The following RNLS variants were observed in gnomAD, a reference collection of about 807,000 sequenced individuals.
RNLS encodes renalase, FAD dependent amine oxidase.
A neutral mutation model predicts 39.8 loss-of-function variants in RNLS; 39 were observed. The ratio of observed to expected loss-of-function variants is 0.98; its 90% CI spans 0.76 to 1.28. The LOEUF (loss-of-function observed/expected upper bound fraction) is 1.28, where lower values mean the gene tolerates loss of function less well. RNLS is among the 50% of genes most tolerant of loss of function. The pLI is 0.00. For synonymous variants in RNLS, 147 were observed against 150.7 expected (o/e 0.98, Z 0.18); for missense variants, 410 against 413.3 (o/e 0.99, Z 0.07).
chr10:88,581,286 G>A (rs944335815), intron 3 of RNLS, among the ~76,000 whole-genome samples: 3 of 132,078 alleles, frequency 2.3e-5, no homozygotes, highest in Non-Finnish European at 4.7e-5. Flanking sequence ...ATGTATGTGT[G>A]TGTGTGTGTA....
intron 4 of RNLS, among the ~76,000 whole-genome samples, chr10:88,364,799 C>T (rs1249651643): frequency 6.6e-6 from 1 of 152,036 alleles, no homozygotes; most frequent in Non-Finnish European, 1.5e-5. Flanking sequence ...ATTTAATCTG[C>T]TTTTAAAGTT....
intron 4 of RNLS, among the ~76,000 whole-genome samples, chr10:88,421,326 T>C (rs1589763346): frequency 6.6e-6 from 1 of 152,320 alleles, no homozygotes; most frequent in East Asian, 1.9e-4. Flanking sequence ...TTCTCTTTAT[T>C]CACCTCTGAA....
At chr10:88,286,373 CAG>C (rs1377238656) in intron 6 of RNLS, among the ~76,000 whole-genome samples, 1 of 151,970 alleles carries the variant, frequency 6.6e-6, no homozygotes, top group African/African-American at 2.4e-5. Context: ...AAAAAAGACA[CAG>C]AGATTGTTTT....
chr10:88,490,290 A>T (rs1844808936), intron 4 of RNLS, among the ~76,000 whole-genome samples: 1 of 152,190 alleles, frequency 6.6e-6, no homozygotes, highest in Non-Finnish European at 1.5e-5. Context: ...GGTTATCTTA[A>T]AAGAGGCAAA....
At chr10:88,575,143 T>C (rs907726076) in intron 3 of RNLS, among the ~76,000 whole-genome samples, 2 of 33,486 alleles carry the variant, frequency 6.0e-5, no homozygotes, top group East Asian at 6.0e-3. Flanking sequence ...TATATATATA[T>C]ATATATATAT....
chr10:88,194,814 C>A, the RNLS span, among the ~76,000 whole-genome samples: 1 of 152,210 alleles, frequency 6.6e-6, no homozygotes, highest in African/African-American at 2.4e-5. Context: ...ATTTACTTAT[C>A]TTCAAAAATT....
the RNLS span, among the ~76,000 whole-genome samples, chr10:88,214,104 TGTA>T: frequency 2.6e-5 from 4 of 152,140 alleles, no homozygotes; most frequent in African/African-American, 7.2e-5. Flanking sequence ...GGGCAGTAGT[TGTA>T]GTAGTAGTAG....
chr10:88,193,915 G>A, the RNLS span, among the ~76,000 whole-genome samples: 2 of 152,190 alleles, frequency 1.3e-5, no homozygotes, highest in Non-Finnish European at 2.9e-5. Flanking sequence ...AATTCGACAT[G>A]CATGTGTCTA....
chr10:88,330,993 G>A (rs1847074323), intron 5 of RNLS, among the ~76,000 whole-genome samples: 1 of 151,972 alleles, frequency 6.6e-6, no homozygotes, highest in African/African-American at 2.4e-5. Context: ...ACAAAGCACT[G>A]GGGAACAAAT....
intron 5 of RNLS, among the ~76,000 whole-genome samples, chr10:88,358,516 G>A (rs1849381114): frequency 6.6e-6 from 1 of 152,184 alleles, no homozygotes; most frequent in South Asian, 2.1e-4. Context: ...AAGATAATAT[G>A]TCCTGATATT....
intron 5 of RNLS, among the ~76,000 whole-genome samples, chr10:88,346,708 CA>C (rs1308413045): frequency 7.9e-5 from 12 of 152,106 alleles, no homozygotes; most frequent in Non-Finnish European, 1.3e-4. Flanking sequence ...ACTGGCTCAG[CA>C]AATATTTATC....
intron 3 of RNLS, among the ~76,000 whole-genome samples, chr10:88,578,157 G>A (rs1384597942): frequency 6.6e-6 from 1 of 152,168 alleles, no homozygotes; most frequent in Non-Finnish European, 1.5e-5. Flanking sequence ...CTACTTGCTT[G>A]AATTTGAGTG....
At chr10:88,420,408 T>C (rs943269166) in intron 4 of RNLS, among the ~76,000 whole-genome samples, 1 of 152,190 alleles carries the variant, frequency 6.6e-6, no homozygotes, top group Non-Finnish European at 1.5e-5. Context: ...ACAATATAAA[T>C]TTATTCTTAC....
At chr10:88,542,300 G>C (rs767303319) in intron 4 of RNLS, among the ~76,000 whole-genome samples, 11 of 152,016 alleles carry the variant, frequency 7.2e-5, no homozygotes, top group Non-Finnish European at 1.5e-4. Context: ...TGAAGTCCAG[G>C]GAGTCAGCAC....
downstream of RNLS, among the ~76,000 whole-genome samples, chr10:88,281,507 T>C (rs1299102121): frequency 1.3e-5 from 2 of 152,148 alleles, no homozygotes; most frequent in Non-Finnish European, 2.9e-5. Flanking sequence ...TGGGTGGGGA[T>C]TGCTGATTAT....
intron 4 of RNLS, among the ~76,000 whole-genome samples, chr10:88,535,225 G>A (rs1847676657): frequency 6.6e-6 from 1 of 152,024 alleles, no homozygotes; most frequent in African/African-American, 2.4e-5. Context: ...ATTCTAGGAG[G>A]AGACAGGATT....
At chr10:88,197,962 G>A in the RNLS span, among the ~76,000 whole-genome samples, 6 of 152,166 alleles carry the variant, frequency 3.9e-5, no homozygotes, top group Non-Finnish European at 8.8e-5. Flanking sequence ...TTAGTCTGTG[G>A]TATTTTGCTA....
the RNLS span, among the ~76,000 whole-genome samples, chr10:88,175,194 C>CA: frequency 2.8e-4 from 42 of 150,696 alleles, no homozygotes; most frequent in South Asian, 8.4e-4. Flanking sequence ...TTTATTTTTT[C>CA]AAAAAAAATG....
At chr10:88,490,559 G>A (rs933897218) in intron 4 of RNLS, among the ~76,000 whole-genome samples, 3 of 152,134 alleles carry the variant, frequency 2.0e-5, no homozygotes, top group Non-Finnish European at 2.9e-5. Flanking sequence ...CAGGAGTAAC[G>A]TCTTCTAGCT....
Sources: gnomAD v4.1 joint callset for allele counts (sites outside exome capture counted in the v4.1 genomes callset) on GRCh38, gnomAD v4.1.1 for gene constraint, MANE v1.5 for transcripts, NCBI Gene and HGNC (gene_info 2026-07-23, HGNC 2026-07-21) for gene names.